The following CD160 variants were observed in gnomAD, a reference collection of about 807,000 sequenced individuals.
CD160 encodes CD160 molecule, also known as CD160 antigen.
CD160 carries 11 observed loss-of-function variants against 19.2 expected under a neutral mutation model. That is an observed-to-expected ratio of 0.57 (90% CI 0.36 to 0.95). The LOEUF is 0.95. Ranked by LOEUF, CD160 falls within the 40% of genes least tolerant of loss-of-function variation. The pLI is 0.01. For missense variants in CD160, 182 were observed against 213.2 expected, an observed-to-expected ratio of 0.85 and a Z score of 0.91; for synonymous variants, 75 against 81.1, an observed-to-expected ratio of 0.93 and a Z score of 0.40.
chr1:145,719,848 A>G (rs587655630), intron 1 of CD160, among the ~76,000 whole-genome samples: 1 of 152,298 alleles, frequency 6.6e-6, no homozygotes, highest in South Asian at 2.1e-4. Flanking sequence ...GATCTGCTGG[A>G]GCTCTTCAAG....
chr1:145,732,932 T>C (rs782038805), intron 4 of CD160, among the ~76,000 whole-genome samples: 4 of 152,256 alleles, frequency 2.6e-5, no homozygotes, highest in African/African-American at 9.6e-5. Context: ...AGAAAGCCAA[T>C]AGAAAATGTC....
intron 3 of CD160, among the ~76,000 whole-genome samples, chr1:145,728,645 A>T (rs1425898927): frequency 6.6e-6 from 1 of 151,690 alleles, no homozygotes; most frequent in Non-Finnish European, 1.5e-5. Flanking sequence ...CTGGGACTAC[A>T]GGCTTATGCC....
chr1:145,730,292 C>G (rs1185059564), intron 3 of CD160, among the ~76,000 whole-genome samples: 2 of 152,104 alleles, frequency 1.3e-5, no homozygotes, highest in African/African-American at 4.8e-5. Context: ...TGCCCTCCAG[C>G]CTGGGTGACA....
rs1315597201 is a variant in CD160 at position 145,738,191 on chromosome 1, T to A, written c.539-295T>A. The A allele has an allele frequency of 3.7e-5, 9 of 240,200 alleles. No individual in the cohort carries two copies. In the East Asian group the frequency reaches 6.7e-4, roughly 18 times the overall value. The allele number at this position is 240,200 out of a possible 1,614,324, so 14.9% of individuals were successfully genotyped here. A position where few individuals can be genotyped will look rare whatever the true frequency, so the allele number is the denominator to read the frequency against. On this transcript the variant is annotated intron_variant, in intron 5 of 5. Transcript: ENST00000369288. ...AATTCAGAGCTATACGTGGAAAACCTACCTTCAACTTTTTGAGTGGCATCT... is the reference window on the plus strand; with the variant it reads ...AATTCAGAGCTATACGTGGAAAACCAACCTTCAACTTTTTGAGTGGCATCT...
intron 1 of CD160, among the ~76,000 whole-genome samples, chr1:145,722,257 T>C (rs1436380742): frequency 5.9e-5 from 9 of 152,208 alleles, no homozygotes; most frequent in Admixed American, 5.9e-4. Flanking sequence ...GTAATTTACA[T>C]AGGTGACCTC....
At chr1:145,731,508 T>C (rs1184283268) in intron 4 of CD160, among the ~76,000 whole-genome samples, 6 of 152,016 alleles carry the variant, frequency 3.9e-5, no homozygotes, top group Admixed American at 3.9e-4. Context: ...CTGTCTCTAC[T>C]AAAAATACAA....
At position 145,730,952 on chromosome 1, in the gene CD160, G is replaced by A; in HGVS notation, c.282G>A (p.Gln94=). The change falls in exon 4 of 6, where the codon CAG becomes CAA. Residue 94 remains glutamine (Q), a synonymous_variant. Coordinates refer to ENST00000369288, the MANE Select transcript of CD160 (RefSeq NM_007053.4). ...GIDGVGEISS[Q]LMFTISQVTP... ...ATGGTGTTGGTGAAATATCATCTCAGTTGATGTTCACCATAAGCCAAGTCA... is the reference window on the plus strand; with the variant it reads ...ATGGTGTTGGTGAAATATCATCTCAATTGATGTTCACCATAAGCCAAGTCA... 1.2e-6 allele frequency: 2 copies of A among 1,614,032 alleles called. No homozygotes were observed. The highest frequency in any genetic ancestry group is 8.5e-7 in the Non-Finnish European group (1 of 1,179,880).
intron 3 of CD160, 57 bp downstream of exon 3, chr1:145,728,457 A>G: frequency 9.2e-7 from 1 of 1,089,758 alleles, no homozygotes; most frequent in South Asian, 1.3e-5. Context: ...GCTTGTGGGA[A>G]GGGCTGGATC....
chr1:145,731,776 C>CGAGATAATATGGGTTT (rs1657306230), intron 4 of CD160, among the ~76,000 whole-genome samples: 2 of 152,182 alleles, frequency 1.3e-5, no homozygotes, highest in Non-Finnish European at 2.9e-5. Context: ...AGGCAGACAA[C>CGAGATAATATGGGTTT]GAGATTAGGT....
At chr1:145,735,855 T>A in intron 4 of CD160, 142 bp from the exon 5 acceptor site, 1 of 630,764 alleles carries the variant, frequency 1.6e-6, no homozygotes, top group Non-Finnish European at 2.8e-6. Context: ...TTACCCACAA[T>A]GTTAAAAATA....
At chr1:145,732,114 A>G (rs1657320432) in intron 4 of CD160, among the ~76,000 whole-genome samples, 2 of 152,212 alleles carry the variant, frequency 1.3e-5, no homozygotes, top group African/African-American at 4.8e-5. Context: ...TGCCCAACAG[A>G]AAGTGTCTCT....
At position 145,739,193 on chromosome 1, in the gene CD160, C is replaced by T. The variant is rs1044353027; in HGVS notation, c.*700C>T. ...CTTTTCTCCTAAATCCACAAACTCTCTTCTTTCTCTTTGGACAGATGACCT... is the reference window on the plus strand; with the variant it reads ...CTTTTCTCCTAAATCCACAAACTCTTTTCTTTCTCTTTGGACAGATGACCT... On this transcript the variant is annotated 3_prime_UTR_variant, in exon 6 of 6. Coordinates refer to ENST00000369288, the MANE Select transcript of CD160 (RefSeq NM_007053.4). 6.6e-6 allele frequency: 1 copy of T among 152,232 alleles called. No individual in the cohort carries two copies. Among genetic ancestry groups the T allele is most frequent in the Admixed American group, 6.5e-5 (1 of 15,274 alleles). The allele number at this position is 152,232 out of a possible 1,614,324, so 9.4% of individuals were successfully genotyped here.
rs9659320 is a variant in CD160, at chr1:145,731,262, T to C, written c.400+192T>C. On this transcript the variant is annotated intron_variant, in intron 4 of 5. Transcript: ENST00000369288. ...AACATAATCTCATTTTGTCTTTAATTTTAGAACTCTTACTTGGGGTGGCCA... is the reference window on the plus strand; with the variant it reads ...AACATAATCTCATTTTGTCTTTAATCTTAGAACTCTTACTTGGGGTGGCCA... Among the ~76,000 whole-genome samples, 1,336 of 152,290 alleles carry C rather than the reference T, an allele frequency of 8.8e-3. 19 individuals are homozygous for C. Among genetic ancestry groups the C allele is most frequent in the African/African-American group, 0.03 (1,262 of 41,548 alleles).
intron 3 of CD160, 114 bp downstream of exon 3, chr1:145,728,514 T>C: frequency 1.5e-6 from 1 of 683,540 alleles, no homozygotes; most frequent in African/African-American, 1.8e-5. Flanking sequence ...TTTTTTTTTT[T>C]TTTTTTTTTG....
intron 5 of CD160, chr1:145,737,872 TTAAC>T (rs1657556866): frequency 1.3e-5 from 2 of 152,094 alleles, no homozygotes; most frequent in Non-Finnish European, 2.9e-5. Context: ...AGCTTTAAAG[TTAAC>T]CAAAGGAAAA....
chr1:145,722,256 A>G (rs1198443612), intron 1 of CD160, among the ~76,000 whole-genome samples: 6 of 152,224 alleles, frequency 3.9e-5, no homozygotes, highest in Non-Finnish European at 7.3e-5. Flanking sequence ...AGTAATTTAC[A>G]TAGGTGACCT....
At chr1:145,719,923 G>A (rs1474186126) in intron 1 of CD160, among the ~76,000 whole-genome samples, 1 of 152,334 alleles carries the variant, frequency 6.6e-6, no homozygotes, top group East Asian at 1.9e-4. Flanking sequence ...GGCACCTCCG[G>A]GGGAAGTTCA....
chr1:145,738,491 TA>T lies in CD160; in HGVS notation c.546del (p.Ter182=). ...TACAAACTTTCTTTCCACAGCTTTG[TA>T]AGCCTTGTGCCAAAAGAAACTTTTA... ...VTSLVALQAL[*>X] On this transcript the variant is annotated frameshift_variant and stop_lost, in exon 6 of 6. Coordinates refer to ENST00000369288, the MANE Select transcript of CD160 (RefSeq NM_007053.4). LOFTEE classifies it high-confidence loss of function. 7.6e-7 allele frequency: 1 copy of T among 1,324,234 alleles called. No individual in the cohort carries two copies. Among genetic ancestry groups the T allele is most frequent in the South Asian group, 2.9e-5 (1 of 34,772 alleles). 82.0% of individuals were successfully genotyped at this position (1,324,234 alleles called of 1,614,324 possible).
chr1:145,733,340 T>C (rs1458450277), intron 4 of CD160, among the ~76,000 whole-genome samples: 8 of 152,164 alleles, frequency 5.3e-5, no homozygotes, highest in Admixed American at 4.6e-4. Context: ...GGTTTTGCCA[T>C]GACGGCCAGG....
Sources: allele counts gnomAD v4.1 joint callset (sites outside exome capture counted in the v4.1 genomes callset), GRCh38; gene constraint gnomAD v4.1.1; transcripts MANE v1.5; gene names NCBI Gene and HGNC (gene_info 2026-07-23, HGNC 2026-07-21).